The following PAQR5 variants were observed in gnomAD, a reference collection of about 807,000 sequenced individuals.
The protein encoded by PAQR5 is membrane progestin receptor gamma.
PAQR5 carries 20 observed loss-of-function variants against 34.5 expected under a neutral mutation model. That is an observed-to-expected ratio of 0.58 (90% confidence interval 0.41 to 0.84). The LOEUF is 0.84. Among genes scored for constraint, PAQR5 ranks in the 40% least tolerant of loss-of-function variants. The pLI, the probability that PAQR5 is intolerant of heterozygous loss-of-function variation, is 0.00. For synonymous variants in PAQR5, 131 were observed against 155.6 expected (o/e 0.84, Z 1.18); for missense variants, 378 against 412.7 (o/e 0.92, Z 0.73).
chr15:69,400,821 G>A (rs1464538463), intron 8 of PAQR5, among the ~76,000 whole-genome samples: 5 of 152,180 alleles, frequency 3.3e-5, no homozygotes, highest in East Asian at 1.9e-4. Context: ...CATGGTGGAC[G>A]GGAGGGGGCC....
At chr15:69,308,193 A>T (rs866045335) in intron 1 of PAQR5, among the ~76,000 whole-genome samples, 6 of 152,176 alleles carry the variant, frequency 3.9e-5, no homozygotes, top group Admixed American at 3.9e-4. Flanking sequence ...TGTCATATCA[A>T]TCCACACATT....
chr15:69,377,055 C>G (rs893841248), intron 3 of PAQR5, among the ~76,000 whole-genome samples: 3 of 152,226 alleles, frequency 2.0e-5, no homozygotes, highest in African/African-American at 7.2e-5. Context: ...TGTTTCTGCT[C>G]TCACTGGTCC....
At position 69,378,458 on chromosome 15, in the gene PAQR5, A is replaced by AAAGAG. The variant is rs1337532462; in HGVS notation, c.52-1424_52-1423insAGAGA. On this transcript the variant is annotated intron_variant, in intron 3 of 8. Transcript: ENST00000395407. The stretch of plus-strand genomic sequence containing the variant: ...TCTCAAAAAAAAAAAAAAAAAAAAA[A>AAAGAG]AGAGAGAGAGAGATAGCACAGACTC... Among the ~76,000 whole-genome samples the AAAGAG allele has an allele frequency of 2.8e-3, 401 of 143,684 alleles. 7 individuals are homozygous for AAAGAG. Among genetic ancestry groups the AAAGAG allele is most frequent in the African/African-American group, 0.011 (382 of 35,758 alleles). 94.3% of individuals were successfully genotyped at this position (143,684 alleles called of 152,430 possible).
At chr15:69,382,119 G>A (rs2055900016) in intron 4 of PAQR5, among the ~76,000 whole-genome samples, 1 of 152,148 alleles carries the variant, frequency 6.6e-6, no homozygotes, top group Non-Finnish European at 1.5e-5. Flanking sequence ...GTGTGGAGGA[G>A]GAGGGAGAAA....
At chr15:69,316,701 G>GCTTA (rs1424028954) in intron 1 of PAQR5, among the ~76,000 whole-genome samples, 1 of 152,210 alleles carries the variant, frequency 6.6e-6, no homozygotes, top group Non-Finnish European at 1.5e-5. Flanking sequence ...TACACATGGG[G>GCTTA]CTTACACTTA....
chr15:69,300,571 CTCTT>C lies in PAQR5; in HGVS notation c.-277+1530_-277+1533del, dbSNP rs1194607614. Among the ~76,000 whole-genome samples, 22 of 144,720 alleles carry C rather than the reference CTCTT, an allele frequency of 1.5e-4. 2 individuals are homozygous for C. The South Asian group carries it at 2.3e-3, about 15-fold the overall frequency. The allele number at this position is 144,720 out of a possible 152,430, so 94.9% of individuals were successfully genotyped here. ...TAATCCCGTATGCTTTTCTTTCTTT[CTCTT>C]TCTTTCTTTCTTTCCTTCTTTCTTT... On this transcript the variant is annotated intron_variant, in intron 1 of 8. Transcript: ENST00000395407.
rs747143680 is a variant in PAQR5 at position 69,380,019 on chromosome 15, T to C, written c.179+9T>C. 3.7e-6 allele frequency: 6 copies of C among 1,613,964 alleles called. No individual in the cohort carries two copies. Among genetic ancestry groups the C allele is most frequent in the Admixed American group, 1.7e-5 (1 of 60,024 alleles). On this transcript the variant is annotated intron_variant, in intron 4 of 8. Transcript: ENST00000395407. ...CACTTGCTGCCCTTCTGGTACCTTC[T>C]GGCCCCCTCGACCGGCCTGTCTCCT...
chr15:69,312,827 C>T (rs1226361757), intron 1 of PAQR5, among the ~76,000 whole-genome samples: 1 of 152,140 alleles, frequency 6.6e-6, no homozygotes, highest in Non-Finnish European at 1.5e-5. Flanking sequence ...TTCCACACTG[C>T]CTCAAATCAC....
chr15:69,398,063 G>A (rs1481057781), intron 7 of PAQR5, among the ~76,000 whole-genome samples: 1 of 152,122 alleles, frequency 6.6e-6, no homozygotes, highest in Non-Finnish European at 1.5e-5. Flanking sequence ...TCTATGCCTC[G>A]ATTTCCTTCA....
chr15:69,387,226 G>A (rs1302504347), intron 5 of PAQR5, among the ~76,000 whole-genome samples: 1 of 152,172 alleles, frequency 6.6e-6, no homozygotes, highest in Non-Finnish European at 1.5e-5. Flanking sequence ...CTTGGCCCTC[G>A]GTTGCCCGCC....
At chr15:69,311,575 T>G (rs893385190) in intron 1 of PAQR5, among the ~76,000 whole-genome samples, 1 of 152,228 alleles carries the variant, frequency 6.6e-6, no homozygotes, top group East Asian at 1.9e-4. Flanking sequence ...AATCTTTCCC[T>G]GCCCTTAGTC....
At chr15:69,325,063 T>A (rs2054215991) in intron 1 of PAQR5, among the ~76,000 whole-genome samples, 1 of 152,088 alleles carries the variant, frequency 6.6e-6, no homozygotes, top group African/African-American at 2.4e-5. Context: ...CATGCCCGGC[T>A]AATTTTTGTA....
At chr15:69,334,211 G>A (rs1009952990) in intron 1 of PAQR5, among the ~76,000 whole-genome samples, 1 of 152,052 alleles carries the variant, frequency 6.6e-6, no homozygotes, top group African/African-American at 2.4e-5. Context: ...TGTATTTTTA[G>A]TAGAGATGGG....
In PAQR5 at chr15:69,306,470, G is replaced by A. The variant is rs982114055; in HGVS notation, c.-277+7414G>A. ...TCTGTTGCCCAGGCTGGAGTGCAAC[G>A]GCACCATCTCGGCTCACCGCAACCT... On this transcript the variant is annotated intron_variant, in intron 1 of 8. Coordinates refer to ENST00000395407, the MANE Select transcript of PAQR5 (RefSeq NM_017705.4). Among the ~76,000 whole-genome samples, 6 of 142,428 alleles carry A rather than the reference G, an allele frequency of 4.2e-5. No homozygotes were observed. In the East Asian group the frequency reaches 6.2e-4, roughly 15 times the overall value. The allele number at this position is 142,428 out of a possible 152,430, so 93.4% of individuals were successfully genotyped here. A position where few individuals can be genotyped will look rare whatever the true frequency, so the allele number is the denominator to read the frequency against.
chr15:69,370,550 G>A lies in PAQR5; in HGVS notation c.52-9333G>A, dbSNP rs533393268. Among the ~76,000 whole-genome samples the A allele has an allele frequency of 1.1e-4, 17 of 151,934 alleles. No homozygotes were observed. In the South Asian group the frequency reaches 3.1e-3, roughly 28 times the overall value. ...TTTATTTATTTTGAGACAGAGTTTCGCTCTTGTTGCCCAGGCTGGAGTGGA... is the reference window on the plus strand; with the variant it reads ...TTTATTTATTTTGAGACAGAGTTTCACTCTTGTTGCCCAGGCTGGAGTGGA... On this transcript the variant is annotated intron_variant, in intron 3 of 8. Transcript: ENST00000395407.
chr15:69,304,785 G>A (rs891156003), intron 1 of PAQR5, among the ~76,000 whole-genome samples: 1 of 152,174 alleles, frequency 6.6e-6, no homozygotes, highest in Non-Finnish European at 1.5e-5. Context: ...GACCAAGATG[G>A]TCAGGTTCAC....
intron 6 of PAQR5, among the ~76,000 whole-genome samples, chr15:69,396,397 A>G (rs1165720063): frequency 6.6e-6 from 1 of 152,010 alleles, no homozygotes; most frequent in Non-Finnish European, 1.5e-5. Context: ...ACTGTCAGCA[A>G]AGGCTGAAAG....
intron 2 of PAQR5, among the ~76,000 whole-genome samples, chr15:69,358,205 C>T (rs570445969): frequency 3.9e-4 from 59 of 152,176 alleles, no homozygotes; most frequent in Non-Finnish European, 7.4e-4. Flanking sequence ...GGACCTGTTG[C>T]AAGGGCTCTG....
intron 1 of PAQR5, among the ~76,000 whole-genome samples, chr15:69,329,459 C>CTTTCTTTTTTTTTTTTT (rs2054328919): frequency 9.1e-6 from 1 of 109,510 alleles, no homozygotes; most frequent in African/African-American, 3.5e-5. Context: ...TTTATTTTTT[C>CTTTCTTTTTTTTTTTTT]TTTCTTTTTT....
Sources: gnomAD v4.1 joint callset for allele counts (sites outside exome capture counted in the v4.1 genomes callset) on GRCh38, gnomAD v4.1.1 for gene constraint, MANE v1.5 for transcripts, NCBI Gene and HGNC (gene_info 2026-07-23, HGNC 2026-07-21) for gene names.